The following HDAC9 variants were observed in gnomAD, a reference collection of about 807,000 sequenced individuals.
HDAC9 encodes the protein histone deacetylase 9.
A neutral mutation model predicts 139.4 loss-of-function variants in HDAC9; 41 were observed. The ratio of observed to expected loss-of-function variants is 0.29; its 90% CI spans 0.23 to 0.38. The LOEUF (loss-of-function observed/expected upper bound fraction) is 0.38, where lower values mean the gene tolerates loss of function less well. HDAC9 is among the 10% of genes least tolerant of loss of function. The pLI is 1.00. For missense variants in HDAC9, 1,147 were observed against 1,297.0 expected, an observed-to-expected ratio of 0.88 and a Z score of 1.78; for synonymous variants, 517 against 476.2, an observed-to-expected ratio of 1.09 and a Z score of -1.12.
chr7:18,527,841 A>G (rs1414989385), intron 2 of HDAC9, among the ~76,000 whole-genome samples: 2 of 152,162 alleles, frequency 1.3e-5, no homozygotes, highest in African/African-American at 2.4e-5. Context: ...CATGGAAACT[A>G]TCTTCTGTAG....
At chr7:18,279,135 C>T (rs1001307539) in intron 2 of HDAC9, among the ~76,000 whole-genome samples, 2 of 152,276 alleles carry the variant, frequency 1.3e-5, no homozygotes, top group African/African-American at 2.4e-5. Context: ...AATAAAAGCT[C>T]GCTTACGAAG....
At chr7:18,822,843 A>C (rs1795091007) in intron 17 of HDAC9, among the ~76,000 whole-genome samples, 2 of 152,226 alleles carry the variant, frequency 1.3e-5, no homozygotes. Context: ...TGGGGATAAT[A>C]ATATTATCTG....
intron 23 of HDAC9, among the ~76,000 whole-genome samples, chr7:18,938,361 C>T (rs556930822): frequency 3.3e-5 from 5 of 151,946 alleles, no homozygotes; most frequent in Admixed American, 1.3e-4. Context: ...TTTGGGAGGC[C>T]GAGGCGGGTG....
chr7:18,540,668 C>G (rs1468944744), intron 2 of HDAC9, among the ~76,000 whole-genome samples: 2 of 152,164 alleles, frequency 1.3e-5, no homozygotes, highest in African/African-American at 4.8e-5. Flanking sequence ...TAAGAGGAGA[C>G]TTAAGACAGC....
intron 22 of HDAC9, among the ~76,000 whole-genome samples, chr7:18,921,852 G>T (rs1803765539): frequency 6.6e-6 from 1 of 152,092 alleles, no homozygotes; most frequent in Admixed American, 6.6e-5. Flanking sequence ...TGATAGACTG[G>T]ATTAAGAAAA....
chr7:18,785,544 T>C (rs1212742270), intron 16 of HDAC9, among the ~76,000 whole-genome samples: 2 of 152,090 alleles, frequency 1.3e-5, no homozygotes, highest in African/African-American at 4.8e-5. Flanking sequence ...TCAACTCTTC[T>C]AGGTACCACT....
intron 2 of HDAC9, among the ~76,000 whole-genome samples, chr7:18,230,839 G>A (rs948032756): frequency 2.0e-5 from 3 of 152,150 alleles, no homozygotes; most frequent in East Asian, 1.9e-4. Context: ...TGAGATTAAT[G>A]CGTTCCAACA....
chr7:18,240,435 C>A (rs1794116640), intron 2 of HDAC9, among the ~76,000 whole-genome samples: 1 of 152,004 alleles, frequency 6.6e-6, no homozygotes, highest in African/African-American at 2.4e-5. Context: ...TTTGTAATCC[C>A]CCAGTGTTTC....
intron 2 of HDAC9, among the ~76,000 whole-genome samples, chr7:18,178,304 C>G (rs780678005): frequency 2.6e-5 from 4 of 152,202 alleles, no homozygotes; most frequent in Non-Finnish European, 5.9e-5. Flanking sequence ...AGACTTGTCT[C>G]GAACTTCTGA....
intron 22 of HDAC9, among the ~76,000 whole-genome samples, chr7:18,910,718 GCTTT>G (rs1802666017): frequency 2.0e-5 from 3 of 151,878 alleles, no homozygotes; most frequent in South Asian, 4.2e-4. Flanking sequence ...TGATCGTATG[GCTTT>G]CATCTTTTAT....
At chr7:18,740,515 T>C (rs1787353867) in intron 13 of HDAC9, among the ~76,000 whole-genome samples, 1 of 152,240 alleles carries the variant, frequency 6.6e-6, no homozygotes, top group African/African-American at 2.4e-5. Context: ...GTGTTCTGAC[T>C]GCTCCACTAA....
intron 1 of HDAC9, among the ~76,000 whole-genome samples, chr7:18,347,066 T>C (rs1408492006): frequency 6.6e-6 from 1 of 152,212 alleles, no homozygotes; most frequent in Non-Finnish European, 1.5e-5. Flanking sequence ...ATTTGTTTTC[T>C]GCACCATACT....
At chr7:18,631,445 G>A (rs572202459) in intron 7 of HDAC9, among the ~76,000 whole-genome samples, 1 of 151,960 alleles carries the variant, frequency 6.6e-6, no homozygotes, top group Non-Finnish European at 1.5e-5. Context: ...CCATTGCTCT[G>A]CCAACTTTCA....
At chr7:18,862,913 G>A (rs1408213978) in intron 21 of HDAC9, among the ~76,000 whole-genome samples, 1 of 152,044 alleles carries the variant, frequency 6.6e-6, no homozygotes, top group Non-Finnish European at 1.5e-5. Flanking sequence ...TTTTCTGAAG[G>A]TGTGAAAATT....
At chr7:18,096,037 T>TAA (rs1782479737) in intron 1 of HDAC9, among the ~76,000 whole-genome samples, 1 of 152,136 alleles carries the variant, frequency 6.6e-6, no homozygotes, top group Non-Finnish European at 1.5e-5. Context: ...AAATGTCAGG[T>TAA]TTAATGAGGT....
At chr7:18,593,064 C>G (rs911339721) in intron 5 of HDAC9, among the ~76,000 whole-genome samples, 11 of 152,074 alleles carry the variant, frequency 7.2e-5, no homozygotes, top group African/African-American at 2.7e-4. Flanking sequence ...CAGATAACCA[C>G]AAACGATTAA....
At chr7:18,661,951 C>T (rs889590450) in intron 11 of HDAC9, among the ~76,000 whole-genome samples, 4 of 152,080 alleles carry the variant, frequency 2.6e-5, no homozygotes, top group African/African-American at 9.7e-5. Context: ...ATGGACTGAA[C>T]AATGTGATTT....
intron 1 of HDAC9, among the ~76,000 whole-genome samples, chr7:18,344,852 A>G (rs1782280424): frequency 1.3e-5 from 2 of 152,010 alleles, no homozygotes. Context: ...TCTCTTTTTA[A>G]CACTGAAAAA....
At chr7:18,930,218 G>C (rs556941635) in intron 22 of HDAC9, among the ~76,000 whole-genome samples, 4 of 152,112 alleles carry the variant, frequency 2.6e-5, no homozygotes, top group African/African-American at 4.8e-5. Context: ...AGGTACCATG[G>C]TATAGGAACA....
Sources: gnomAD v4.1 joint callset for allele counts (sites outside exome capture counted in the v4.1 genomes callset) on GRCh38, gnomAD v4.1.1 for gene constraint, MANE v1.5 for transcripts, NCBI Gene and HGNC (gene_info 2026-07-23, HGNC 2026-07-21) for gene names.